Variants in CEP135 observed in about 807,000 individuals in gnomAD.
CEP135 encodes centrosomal protein of 135 kDa.
In CEP135, 142 loss-of-function variants were observed where a neutral mutation model predicts 157.3. The ratio of observed to expected loss-of-function variants is 0.90; its 90% CI spans 0.79 to 1.04. The LOEUF (loss-of-function observed/expected upper bound fraction) is 1.04, where lower values mean the gene tolerates loss of function less well. Ranked by LOEUF, CEP135 falls within the 50% of genes least tolerant of loss-of-function variation. CEP135 has a pLI of 0.00. For missense variants in CEP135, 1,317 were observed against 1,309.2 expected, an observed-to-expected ratio of 1.01 and a Z score of -0.09; for synonymous variants, 396 against 439.8, an observed-to-expected ratio of 0.90 and a Z score of 1.25.
Position 56,017,979 on chromosome 4 carries a change from G to C in CEP135, c.3012+122G>C. On this transcript the variant is annotated intron_variant, in intron 22 of 25. Transcript: ENST00000257287. Reference sequence around the variant, plus strand: ...TTTTAGAGTAGTTACTTTTTTTTTTGTGATGGAGTTTTGCTCTGTCGCTTA... The same window carrying C: ...TTTTAGAGTAGTTACTTTTTTTTTTCTGATGGAGTTTTGCTCTGTCGCTTA... The C allele has an allele frequency of 3.7e-6, 3 of 821,286 alleles. No homozygotes were observed. The South Asian group carries it at 5.7e-5, about 16-fold the overall frequency. The allele number at this position is 821,286 out of a possible 1,614,324, so 50.9% of individuals were successfully genotyped here.
At chr4:56,025,975 G>A (rs1267666747) in intron 25 of CEP135, among the ~76,000 whole-genome samples, 1 of 151,714 alleles carries the variant, frequency 6.6e-6, no homozygotes, top group Non-Finnish European at 1.5e-5. Flanking sequence ...TTGGGAGGCC[G>A]AGGCGGGTGG....
chr4:55,994,042 C>T (rs1729881179), intron 15 of CEP135, among the ~76,000 whole-genome samples: 1 of 152,144 alleles, frequency 6.6e-6, no homozygotes, highest in Non-Finnish European at 1.5e-5. Context: ...ATCATATTCT[C>T]CATATCAGTA....
rs1417008808 is a variant in CEP135, at chr4:55,974,759, T to C, written c.1263T>C (p.Thr421=). The C allele has an allele frequency of 6.2e-7, 1 of 1,612,212 alleles. No individual in the cohort carries two copies. The highest frequency in any genetic ancestry group is 1.3e-5 in the African/African-American group (1 of 74,834). Residue 421 remains threonine (T), a synonymous_variant, in exon 11 of 26, where the codon ACT becomes ACC. Transcript: ENST00000257287. ...ESFAVTERQL[T]LEVERMRLEH... Reference sequence around the variant, plus strand: ...TTTAATTTACAGAACGACAACTTACTCTGGAGGTTGAGAGGATGAGACTAG... The same window carrying C: ...TTTAATTTACAGAACGACAACTTACCCTGGAGGTTGAGAGGATGAGACTAG...
At chr4:55,993,975 T>C (rs1032001568) in intron 15 of CEP135, among the ~76,000 whole-genome samples, 1 of 152,210 alleles carries the variant, frequency 6.6e-6, no homozygotes, top group South Asian at 2.1e-4. Context: ...ATTTTATAAC[T>C]TTATTTTGCT....
rs547229215 is a variant in CEP135, at chr4:56,032,106, A to T, written c.*758A>T. ...AGAAATTTGGGACATTTTTCTAGGA[A>T]ATAAAATTCCTCGGTGTATTAATCT... On this transcript the variant is annotated 3_prime_UTR_variant, in exon 26 of 26. Transcript: ENST00000257287. 1 of 152,210 alleles carries T rather than the reference A, an allele frequency of 6.6e-6. No homozygotes were observed. The highest frequency in any genetic ancestry group is 6.5e-5 in the Admixed American group (1 of 15,276). 9.4% of individuals were successfully genotyped at this position (152,210 alleles called of 1,614,324 possible).
intron 19 of CEP135, among the ~76,000 whole-genome samples, chr4:56,010,643 G>A (rs1009933124): frequency 3.9e-5 from 6 of 152,030 alleles, no homozygotes; most frequent in African/African-American, 4.8e-5. Flanking sequence ...AGCTTCTGTC[G>A]GCTCCAAAAT....
At chr4:55,969,991 A>C (rs1487944957) in intron 9 of CEP135, among the ~76,000 whole-genome samples, 1 of 150,886 alleles carries the variant, frequency 6.6e-6, no homozygotes, top group Admixed American at 6.6e-5. Context: ...CTCCCACCTC[A>C]GCCTTCTGTG....
chr4:56,029,830 A>G (rs1731283324), intron 25 of CEP135, among the ~76,000 whole-genome samples: 1 of 152,202 alleles, frequency 6.6e-6, no homozygotes, highest in South Asian at 2.1e-4. Context: ...ACTTACCACA[A>G]AGGGAGCTTG....
intron 5 of CEP135, 128 bp from the exon 6 acceptor site, chr4:55,959,554 G>A: frequency 1.3e-6 from 1 of 744,428 alleles, no homozygotes; most frequent in Non-Finnish European, 2.3e-6. Context: ...GGGACCCTTT[G>A]GCACAGTACG....
In CEP135 at chr4:56,008,076, G is replaced by A. The variant is rs6823178; in HGVS notation, c.2281-251G>A. Reference sequence around the variant, plus strand: ...ATGTTAATCTTCAAAATGTGATTTTGTCTATTTCTAGAATGTGATTTTATC... The same window carrying A: ...ATGTTAATCTTCAAAATGTGATTTTATCTATTTCTAGAATGTGATTTTATC... On this transcript the variant is annotated intron_variant, in intron 17 of 25. Coordinates refer to ENST00000257287, the MANE Select transcript of CEP135 (RefSeq NM_025009.5). 0.34 allele frequency among the ~76,000 whole-genome samples: 51,777 copies of A among 151,904 alleles called. 9,093 individuals carry two copies. The highest frequency in any genetic ancestry group is 0.37 in the Non-Finnish European group (24,897 of 67,946).
intron 23 of CEP135, 48 bp downstream of exon 23, chr4:56,019,603 T>C: frequency 6.7e-7 from 1 of 1,497,410 alleles, no homozygotes; most frequent in Admixed American, 2.0e-5. Flanking sequence ...TTGTGAAGGA[T>C]AGTTTTTTAA....
chr4:56,030,483 C>T (rs1318907532), intron 25 of CEP135, among the ~76,000 whole-genome samples: 4 of 152,280 alleles, frequency 2.6e-5, no homozygotes, highest in East Asian at 1.9e-4. Context: ...CTCGCGGTCT[C>T]GCTCTGTTGC....
In CEP135 at chr4:55,954,389, T is replaced by G. The variant is rs550843555; in HGVS notation, c.472+6T>G. 1.3e-6 allele frequency: 2 copies of G among 1,582,980 alleles called. No homozygotes were observed. The highest frequency in any genetic ancestry group is 2.3e-5 in the South Asian group (2 of 85,236). On this transcript the variant is annotated splice_donor_region_variant and intron_variant, in intron 4 of 25. Transcript: ENST00000257287. ...TGCTGTAGTACAAACTCCAGGTAAA[T>G]CGATTCCTTCTCGAGACAAATTATA...
rs1352912909 is a variant in CEP135 at position 56,031,402 on chromosome 4, A to G, written c.*54A>G. The G allele has an allele frequency of 6.6e-6, 1 of 152,618 alleles. No individual in the cohort carries two copies. Among genetic ancestry groups the G allele is most frequent in the East Asian group, 1.9e-4 (1 of 5,200 alleles). 9.5% of individuals were successfully genotyped at this position (152,618 alleles called of 1,614,324 possible). The stretch of plus-strand genomic sequence containing the variant: ...AGTTCCTATGTGGATTTTTAAAAGA[A>G]CAGAACAGTAATGAAATATTTGAAG... On this transcript the variant is annotated 3_prime_UTR_variant, in exon 26 of 26. Coordinates refer to ENST00000257287, the MANE Select transcript of CEP135 (RefSeq NM_025009.5).
chr4:55,958,291 C>T (rs771435965), intron 5 of CEP135, among the ~76,000 whole-genome samples: 5 of 151,996 alleles, frequency 3.3e-5, no homozygotes, highest in Admixed American at 6.6e-5. Context: ...AAAAATTAGC[C>T]GAGCATGGTG....
rs972551682 is a variant in CEP135, at chr4:56,031,979, A to G, written c.*631A>G. ...ACTATGATGAGAAAGATACATTTAT[A>G]TATTATGTAAAATGTTAACTATCAT... is the stretch of plus-strand genomic sequence containing the variant. On this transcript the variant is annotated 3_prime_UTR_variant, in exon 26 of 26. Transcript: ENST00000257287. 3 of 152,326 alleles carry G rather than the reference A, an allele frequency of 2.0e-5. No homozygotes were observed. Among genetic ancestry groups the G allele is most frequent in the Admixed American group, 1.3e-4 (2 of 15,292 alleles). The allele number at this position is 152,326 out of a possible 1,614,324, so 9.4% of individuals were successfully genotyped here.
At chr4:55,990,846 T>C (rs1729765082) in intron 14 of CEP135, among the ~76,000 whole-genome samples, 1 of 152,244 alleles carries the variant, frequency 6.6e-6, no homozygotes, top group African/African-American at 2.4e-5. Context: ...TTTTTAAGTT[T>C]ATGCTTTTCC....
intron 24 of CEP135, among the ~76,000 whole-genome samples, chr4:56,022,186 T>C (rs1333528082): frequency 3.9e-5 from 6 of 152,212 alleles, no homozygotes; most frequent in African/African-American, 1.4e-4. Context: ...TTAAATTCTC[T>C]GCAAATCAAA....
intron 17 of CEP135, among the ~76,000 whole-genome samples, chr4:56,000,603 G>C (rs960264044): frequency 6.6e-6 from 1 of 152,162 alleles, no homozygotes; most frequent in Non-Finnish European, 1.5e-5. Context: ...GTCTGTCTGT[G>C]CTTGACATGT....
Sources: gnomAD v4.1 joint callset for allele counts (sites outside exome capture counted in the v4.1 genomes callset) on GRCh38, gnomAD v4.1.1 for gene constraint, MANE v1.5 for transcripts, NCBI Gene and HGNC (gene_info 2026-07-23, HGNC 2026-07-21) for gene names.